ARHGEF7: variants seen among roughly 807,000 people sequenced by gnomAD.
ARHGEF7 encodes the protein PAK-interacting exchange factor beta.
A neutral mutation model predicts 109.8 loss-of-function variants in ARHGEF7; 33 were observed. That is an observed-to-expected ratio of 0.30 (90% CI 0.23 to 0.40). The LOEUF is 0.40. Ranked by LOEUF, ARHGEF7 falls within the 10% of genes least tolerant of loss-of-function variation. ARHGEF7 has a pLI of 1.00. For synonymous variants in ARHGEF7, 458 were observed against 424.6 expected (o/e 1.08, Z -0.97); for missense variants, 938 against 1,098.5 (o/e 0.85, Z 2.07).
In ARHGEF7 at chr13:111,283,321, C is replaced by G; in HGVS notation, c.1908C>G (p.Pro636=). 1.9e-6 allele frequency: 3 copies of G among 1,561,848 alleles called. No individual in the cohort carries two copies. Among genetic ancestry groups the G allele is most frequent in the Non-Finnish European group, 1.7e-6 (2 of 1,157,698 alleles). The stretch of plus-strand genomic sequence containing the variant: ...CCTGGAGCCTGAGCTGCCTGCGGCC[C>G]GCGCCTCCCCTCCGGCCCTCAGCTG... The part of the protein sequence containing the change: ...PKPWSLSCLR[P]APPLRPSAAL... The change falls in exon 16 of 22, where the codon CCC becomes CCG. Residue 636 remains proline (P), a synonymous_variant. Transcript: ENST00000646102.
chr13:111,294,655 A>G, intron 19 of ARHGEF7: 2 of 985,448 alleles, frequency 2.0e-6, no homozygotes, highest in South Asian at 4.7e-5. Flanking sequence ...GCCTGAAAAG[A>G]CAGTTCTCCT....
At chr13:111,294,356 T>C in intron 19 of ARHGEF7, 3 of 985,480 alleles carry the variant, frequency 3.0e-6, no homozygotes, top group Non-Finnish European at 3.6e-6. Flanking sequence ...GCCTGTGTCA[T>C]GGGCTGTGTA....
At chr13:111,231,414 G>T (rs916937340) in intron 5 of ARHGEF7, among the ~76,000 whole-genome samples, 3 of 152,148 alleles carry the variant, frequency 2.0e-5, no homozygotes, top group South Asian at 4.1e-4. Flanking sequence ...AACTTGCAGC[G>T]GCACCTTATT....
intron 8 of ARHGEF7, among the ~76,000 whole-genome samples, chr13:111,247,267 C>T (rs546284903): frequency 1.4e-5 from 2 of 146,564 alleles, no homozygotes; most frequent in South Asian, 2.2e-4. Context: ...CAGTTTCATA[C>T]TCATTCTTTT....
Position 111,228,176 on chromosome 13 carries a change from A to G in ARHGEF7, c.671-5029A>G, listed in dbSNP as rs1243977039. Among the ~76,000 whole-genome samples, 2 of 152,236 alleles carry G rather than the reference A, an allele frequency of 1.3e-5. No individual in the cohort carries two copies. The highest frequency in any genetic ancestry group is 2.9e-5 in the Non-Finnish European group (2 of 68,042). ...GGAGGGGGCGCTTTTATAGAATGAAAGAGACTTTAGTGGCACAGCAGCCAG... is the reference window on the plus strand; with the variant it reads ...GGAGGGGGCGCTTTTATAGAATGAAGGAGACTTTAGTGGCACAGCAGCCAG... On this transcript the variant is annotated intron_variant, in intron 5 of 21. Coordinates refer to ENST00000646102, the MANE Select transcript of ARHGEF7 (RefSeq NM_001354046.2). This position sits in a 1 kb window ranked among gnomAD's most constrained non-coding sequence, Gnocchi z 4.6.
At chr13:111,220,836 A>G (rs1465091530) in intron 5 of ARHGEF7, among the ~76,000 whole-genome samples, 1 of 151,910 alleles carries the variant, frequency 6.6e-6, no homozygotes, top group African/African-American at 2.4e-5. Flanking sequence ...GTTTCAACGT[A>G]TGTGCGTGTA....
rs1238337043 is a variant in ARHGEF7 at position 111,244,202 on chromosome 13, A to G, written c.858A>G (p.Leu286=). Residue 286 remains leucine, a synonymous_variant, in exon 8 of 22, where the codon TTA becomes TTG. Transcript: ENST00000646102. ...YLRPLQTSEK[L]SSANISYLMG... ...CTGTTATTTTTCTTGGCTCTAGGTT[A>G]AGTTCAGCAAACATTTCATATTTAA... The G allele has an allele frequency of 1.3e-6, 2 of 1,595,158 alleles. No individual in the cohort carries two copies. Among genetic ancestry groups the G allele is most frequent in the Non-Finnish European group, 1.7e-6 (2 of 1,169,000 alleles).
rs1303141914 is a variant in ARHGEF7, at chr13:111,239,289, T to C, written c.760-4583T>C. Among the ~76,000 whole-genome samples, 1 of 152,210 alleles carries C rather than the reference T, an allele frequency of 6.6e-6. No homozygotes were observed. Among genetic ancestry groups the C allele is most frequent in the Non-Finnish European group, 1.5e-5 (1 of 68,030 alleles). On this transcript the variant is annotated intron_variant, in intron 6 of 21. Coordinates refer to ENST00000646102, the MANE Select transcript of ARHGEF7 (RefSeq NM_001354046.2). The surrounding 1 kb of genome is among the most constrained non-coding windows in gnomAD (Gnocchi z 4.3). ...TTATTATAATACTGTGAATATAATG[T>C]AATAGGTAGCATCACTCTTTCTAAT...
At chr13:111,197,125 C>G (rs1459625936) in intron 2 of ARHGEF7, among the ~76,000 whole-genome samples, 1 of 152,186 alleles carries the variant, frequency 6.6e-6, no homozygotes, top group East Asian at 1.9e-4. Context: ...ATAATGGTCC[C>G]TGGACCCTGC....
At chr13:111,236,234 A>T (rs1251990094) in intron 6 of ARHGEF7, among the ~76,000 whole-genome samples, 1 of 152,170 alleles carries the variant, frequency 6.6e-6, no homozygotes, top group Non-Finnish European at 1.5e-5. Flanking sequence ...CTGTCCTTTA[A>T]TTTTTTAAAC....
At chr13:111,232,443 A>G (rs2086217435) in intron 5 of ARHGEF7, among the ~76,000 whole-genome samples, 2 of 152,124 alleles carry the variant, frequency 1.3e-5, no homozygotes, top group East Asian at 1.9e-4. Context: ...CCGTAGAACC[A>G]TTGGTAGACA....
At chr13:111,235,727 G>T (rs777381484) in intron 6 of ARHGEF7, among the ~76,000 whole-genome samples, 3 of 152,176 alleles carry the variant, frequency 2.0e-5, no homozygotes, top group Non-Finnish European at 4.4e-5. Context: ...TTTGTAAATT[G>T]TACATAAAAA....
intron 6 of ARHGEF7, among the ~76,000 whole-genome samples, chr13:111,240,692 G>A (rs900975833): frequency 2.0e-5 from 3 of 152,222 alleles, no homozygotes; most frequent in Non-Finnish European, 4.4e-5. Flanking sequence ...TTTCTCTGTA[G>A]CAGTGGACAG....
intron 5 of ARHGEF7, among the ~76,000 whole-genome samples, chr13:111,219,656 T>C (rs2083568960): frequency 1.3e-5 from 2 of 151,714 alleles, no homozygotes; most frequent in South Asian, 2.1e-4. Flanking sequence ...TTTTTTTTTT[T>C]CTTAAAGTAA....
rs1033260884 is a variant in ARHGEF7 at position 111,163,430 on chromosome 13, T to C, written c.252+9439T>C. On this transcript the variant is annotated intron_variant, in intron 2 of 21. Coordinates refer to ENST00000646102, the MANE Select transcript of ARHGEF7 (RefSeq NM_001354046.2). ...CCCCCTTCGTTTCAGATCTTTGGAA[T>C]GTCTTCTTTGTCTAGATCAGCACTG... is the stretch of plus-strand genomic sequence containing the variant. Among the ~76,000 whole-genome samples, 5 of 152,196 alleles carry C rather than the reference T, an allele frequency of 3.3e-5. 1 individual carries two copies. Among genetic ancestry groups the C allele is most frequent in the Admixed American group, 3.3e-4 (5 of 15,280 alleles).
intron 2 of ARHGEF7, among the ~76,000 whole-genome samples, chr13:111,178,271 C>T (rs943940959): frequency 6.6e-6 from 1 of 152,092 alleles, no homozygotes; most frequent in Non-Finnish European, 1.5e-5. Context: ...GAACAGGTTC[C>T]CAGTGAGTAA....
intron 1 of ARHGEF7, 28 bp downstream of exon 1, chr13:111,115,719 C>T: frequency 8.0e-6 from 9 of 1,130,930 alleles, no homozygotes; most frequent in Non-Finnish European, 8.7e-6. Flanking sequence ...CCCCCGCCCG[C>T]GCCCCCCGGT....
chr13:111,153,519 C>T, intron 1 of ARHGEF7: 1 of 656,524 alleles, frequency 1.5e-6, no homozygotes, highest in Non-Finnish European at 1.9e-6. Context: ...GGACCGAGGC[C>T]CAGCACTGGG....
intron 21 of ARHGEF7, 142 bp downstream of exon 21, chr13:111,301,674 C>T: frequency 1.7e-6 from 1 of 605,284 alleles, no homozygotes; most frequent in East Asian, 3.0e-5. Flanking sequence ...GGACAGATCA[C>T]CTGAGGTCAG....
Sources: gnomAD v4.1 joint callset for allele counts (sites outside exome capture counted in the v4.1 genomes callset) on GRCh38, gnomAD v4.1.1 for gene constraint, Gnocchi (gnomAD v3.1) non-coding constraint, MANE v1.5 for transcripts, NCBI Gene and HGNC (gene_info 2026-07-23, HGNC 2026-07-21) for gene names.